The following LEMD3 variants were observed in gnomAD, a reference collection of about 807,000 sequenced individuals.
The protein encoded by LEMD3 is LEM domain containing 3.
LEMD3 carries 33 observed loss-of-function variants against 95.2 expected under a neutral mutation model. The ratio of observed to expected loss-of-function variants is 0.35; its 90% CI spans 0.26 to 0.46. The LOEUF (loss-of-function observed/expected upper bound fraction) is 0.46, where lower values mean the gene tolerates loss of function less well. Among genes scored for constraint, LEMD3 ranks in the 20% least tolerant of loss-of-function variants. The probability of loss-of-function intolerance (pLI) is 1.00; values close to 1 mark genes in which losing one functional copy is unlikely to be tolerated. For synonymous variants in LEMD3, 525 were observed against 474.6 expected (o/e 1.11, Z -1.38); for missense variants, 1,210 against 1,192.8 (o/e 1.01, Z -0.21).
chr12:65,246,675 G>A lies in LEMD3; in HGVS notation c.*350G>A, dbSNP rs959597080. The A allele has an allele frequency of 4.5e-5, 12 of 265,048 alleles. No individual in the cohort carries two copies. The highest frequency in any genetic ancestry group is 6.6e-5 in the Non-Finnish European group (9 of 136,980). The allele number at this position is 265,048 out of a possible 1,614,324, so 16.4% of individuals were successfully genotyped here. On this transcript the variant is annotated 3_prime_UTR_variant, in exon 13 of 13. Coordinates refer to ENST00000308330, the MANE Select transcript of LEMD3 (RefSeq NM_014319.5). ...AAGCATGATGAAAAGGCTTCTTGTA[G>A]TCCCATAATTTCTTGTGAACTAATG...
Position 65,178,754 on chromosome 12 carries a change from T to C in LEMD3, c.1522+7636T>C, listed in dbSNP as rs1868808690. Among the ~76,000 whole-genome samples, 3 of 152,174 alleles carry C rather than the reference T, an allele frequency of 2.0e-5. No homozygotes were observed. In the South Asian group the frequency reaches 6.2e-4, roughly 32 times the overall value. On this transcript the variant is annotated intron_variant, in intron 1 of 12. Coordinates refer to ENST00000308330, the MANE Select transcript of LEMD3 (RefSeq NM_014319.5). The stretch of plus-strand genomic sequence containing the variant: ...CGCCCAGGGTCATGTAGCTAGTAAG[T>C]GAAGCGGCAGTATTTGAACTCAGAC...
In LEMD3 at chr12:65,171,032, C is replaced by T. The variant is rs200415494; in HGVS notation, c.1436C>T (p.Thr479Ile). 1.9e-6 allele frequency: 3 copies of T among 1,614,134 alleles called. No homozygotes were observed. The highest frequency in any genetic ancestry group is 1.6e-4 in the Middle Eastern group (1 of 6,084). Residue 479 changes from threonine (T) to isoleucine (I), a missense_variant, in exon 1 of 13, where the codon ACT becomes ATT. Thr to Ile is a moderately conservative substitution (Grantham distance 89). This residue lies in a region of LEMD3 where 461 missense variants were observed against 569.8 expected (regional missense o/e 0.81). Transcript: ENST00000308330. ...CACTACTTGTCGATGTTTCTCTTAA[C>T]TGCTGCCTGCTTATTTTTCCTAATA... ...SAHYLSMFLL[T>I]AACLFFLILG...
At position 65,239,984 on chromosome 12, in the gene LEMD3, A is replaced by G. The variant is rs997606555; in HGVS notation, c.1977A>G (p.Glu659=). The part of the protein sequence containing the change: ...LRYMKYRWTK[E]EEETRQMYDM... ...ACATGAAATATCGATGGACAAAAGA[A>G]GAGGAGGAAACAAGGCAGATGTATG... Residue 659 remains glutamate (E), a synonymous_variant, in exon 7 of 13, where the codon GAA becomes GAG. Transcript: ENST00000308330. The G allele has an allele frequency of 1.9e-6, 3 of 1,612,494 alleles. No individual in the cohort carries two copies. Among genetic ancestry groups the G allele is most frequent in the Non-Finnish European group, 1.7e-6 (2 of 1,178,730 alleles).
At chr12:65,245,645 A>G (rs1268963179) in intron 10 of LEMD3, 24 bp from the exon 11 acceptor site, 1 of 1,532,450 alleles carries the variant, frequency 6.5e-7, no homozygotes, top group African/African-American at 1.4e-5. Flanking sequence ...ATGGTTGTTG[A>G]TTTTTGTTTT....
chr12:65,239,096 A>T (rs534608588), intron 6 of LEMD3, among the ~76,000 whole-genome samples: 24 of 152,314 alleles, frequency 1.6e-4, no homozygotes, highest in African/African-American at 5.1e-4. Context: ...TAGAATTGAA[A>T]AATACAAAAA....
intron 10 of LEMD3, among the ~76,000 whole-genome samples, chr12:65,244,989 C>T (rs995336685): frequency 2.0e-5 from 3 of 152,018 alleles, no homozygotes; most frequent in Admixed American, 6.6e-5. Context: ...TTAATAAGTT[C>T]ACAACTCATT....
At position 65,218,555 on chromosome 12, in the gene LEMD3, A is replaced by G. The variant is rs774273011; in HGVS notation, c.1631A>G (p.Asp544Gly). ...LHDRLAQLAG[D>G]HECGSSSQRT... ...AATAATATGCTAATCTTTCCAGGAG[A>G]TCATGAATGTGGCAGTTCTAGTCAA... Residue 544 changes from aspartate to glycine, a missense_variant, in exon 4 of 13, where the codon GAT (aspartate) becomes GGT (glycine). By Grantham distance (94) the Asp-to-Gly change is moderately conservative. Coordinates refer to ENST00000308330, the MANE Select transcript of LEMD3 (RefSeq NM_014319.5). 1 of 1,599,570 alleles carries G rather than the reference A, an allele frequency of 6.3e-7. No individual in the cohort carries two copies. The highest frequency in any genetic ancestry group is 1.7e-5 in the Admixed American group (1 of 59,916).
chr12:65,171,319 T>C, intron 1 of LEMD3: 1 of 840,646 alleles, frequency 1.2e-6, no homozygotes, highest in African/African-American at 1.7e-5. Flanking sequence ...TTAAAAGTTT[T>C]CTGCATGATG....
chr12:65,232,156 A>G (rs1027487780), intron 4 of LEMD3, among the ~76,000 whole-genome samples: 39 of 152,298 alleles, frequency 2.6e-4, no homozygotes, highest in African/African-American at 9.1e-4. Context: ...CTTTAGCACA[A>G]TCTAGCCAAA....
chr12:65,236,155 TGTTGATAAAATACAA>T lies in LEMD3; in HGVS notation c.1696-2346_1696-2332del, dbSNP rs1213095839. ...TAATTTCCAATGCTGTTGAAGAATCTGTTGATAAAATACAATAGGACACTTCTTAGAAAAATCTTT... is the reference window on the plus strand; with the variant it reads ...TAATTTCCAATGCTGTTGAAGAATCTTAGGACACTTCTTAGAAAAATCTTT... On this transcript the variant is annotated intron_variant, in intron 4 of 12. Coordinates refer to ENST00000308330, the MANE Select transcript of LEMD3 (RefSeq NM_014319.5). 1.3e-4 allele frequency among the ~76,000 whole-genome samples: 20 copies of T among 152,372 alleles called. 1 individual carries two copies. Among genetic ancestry groups the T allele is most frequent in the African/African-American group, 4.1e-4 (17 of 41,588 alleles).
intron 1 of LEMD3, among the ~76,000 whole-genome samples, chr12:65,182,211 G>T (rs944219678): frequency 2.0e-5 from 3 of 152,042 alleles, no homozygotes; most frequent in African/African-American, 7.2e-5. Context: ...CTTATCGTTA[G>T]CTACAGGCTT....
At chr12:65,217,175 G>T (rs1430818200) in intron 3 of LEMD3, among the ~76,000 whole-genome samples, 1 of 152,136 alleles carries the variant, frequency 6.6e-6, no homozygotes, top group Non-Finnish European at 1.5e-5. Flanking sequence ...TCTGTGAAGG[G>T]TCAGATAGTG....
chr12:65,172,059 A>G (rs1452104194), intron 1 of LEMD3: 2 of 152,264 alleles, frequency 1.3e-5, no homozygotes, highest in Non-Finnish European at 2.9e-5. Context: ...ACAGTAGACC[A>G]TTCTGAGCAG....
chr12:65,204,793 A>G (rs1359477171), intron 1 of LEMD3, among the ~76,000 whole-genome samples: 7 of 152,170 alleles, frequency 4.6e-5, no homozygotes. Flanking sequence ...TATACTTCAT[A>G]AGGACTTGTT....
At chr12:65,221,995 G>A (rs1436510748) in intron 4 of LEMD3, among the ~76,000 whole-genome samples, 2 of 151,890 alleles carry the variant, frequency 1.3e-5, no homozygotes, top group East Asian at 1.9e-4. Flanking sequence ...CACCCACCTC[G>A]GCCTCCCAAA....
intron 1 of LEMD3, among the ~76,000 whole-genome samples, chr12:65,198,030 A>G (rs112542185): frequency 2.6e-5 from 4 of 152,262 alleles, no homozygotes; most frequent in African/African-American, 9.6e-5. Flanking sequence ...TGAAATTTAT[A>G]TTTATTGCAT....
chr12:65,207,457 A>G (rs1869799297), intron 1 of LEMD3, among the ~76,000 whole-genome samples: 1 of 152,126 alleles, frequency 6.6e-6, no homozygotes, highest in Non-Finnish European at 1.5e-5. Context: ...GAAGGAGGTC[A>G]CGATAAACTG....
rs199542833 is a variant in LEMD3, at chr12:65,240,175, A to G, written c.2063A>G (p.Lys688Arg). Residue 688 changes from lysine (K) to arginine (R), a missense_variant, in exon 8 of 13, where the codon AAA (lysine) becomes AGA (arginine). Physicochemically the swap from Lys to Arg is conservative, Grantham distance 26 (BLOSUM62 2). Coordinates refer to ENST00000308330, the MANE Select transcript of LEMD3 (RefSeq NM_014319.5). Reference protein sequence around the residue: ...RSHNEACQENKDLQPYMPIPH... With the variant: ...RSHNEACQENRDLQPYMPIPH... ...CATAATGAAGCCTGCCAGGAAAACA[A>G]AGATTTACAACCTTACATGCCTATT... 6.2e-7 allele frequency: 1 copy of G among 1,613,922 alleles called. No homozygotes were observed. Among genetic ancestry groups the G allele is most frequent in the East Asian group, 2.2e-5 (1 of 44,834 alleles).
chr12:65,224,505 CT>C (rs1322997663), intron 4 of LEMD3, among the ~76,000 whole-genome samples: 1 of 152,048 alleles, frequency 6.6e-6, no homozygotes, highest in African/African-American at 2.4e-5. Flanking sequence ...CTGCTCCCCC[CT>C]CCCCCCTACC....
Sources: allele counts gnomAD v4.1 joint callset (sites outside exome capture counted in the v4.1 genomes callset), GRCh38; gene constraint gnomAD v4.1.1; regional missense constraint gnomAD v4.1.1; transcripts MANE v1.5; gene names NCBI Gene and HGNC (gene_info 2026-07-23, HGNC 2026-07-21).